The following ZEB1 variants were observed in gnomAD, a reference collection of about 807,000 sequenced individuals.
ZEB1 encodes the protein zinc finger E-box binding homeobox 1, also known as zinc finger E-box-binding homeobox 1.
In ZEB1, 21 loss-of-function variants were observed where a neutral mutation model predicts 84.9. The ratio of observed to expected loss-of-function variants is 0.25; its 90% CI spans 0.18 to 0.36. ZEB1 has a LOEUF of 0.36. Ranked by LOEUF, ZEB1 falls within the 10% of genes least tolerant of loss-of-function variation. The probability of loss-of-function intolerance (pLI) is 1.00; values close to 1 mark genes in which losing one functional copy is unlikely to be tolerated. For missense variants in ZEB1, 1,104 were observed against 1,330.2 expected (o/e 0.83, Z 2.65); for synonymous variants, 420 against 471.1 (o/e 0.89, Z 1.41).
At chr10:31,389,911 G>A (rs1214755749) in intron 1 of ZEB1, among the ~76,000 whole-genome samples, 1 of 152,028 alleles carries the variant, frequency 6.6e-6, no homozygotes, top group African/African-American at 2.4e-5. Flanking sequence ...CAGTTCAAGT[G>A]CTCAATAGCC....
chr10:31,523,892 T>C, intron 7 of ZEB1, 41 bp from the exon 8 acceptor site: 1 of 1,599,276 alleles, frequency 6.3e-7, no homozygotes, highest in South Asian at 1.1e-5. Context: ...TGTTTATCTT[T>C]TAATGTTAAA....
In ZEB1 at chr10:31,521,751, A is replaced by G. The variant is rs141194628; in HGVS notation, c.2419A>G (p.Thr807Ala). The change falls in exon 7 of 9, where the codon ACA (threonine) becomes GCA (alanine). Residue 807 changes from threonine (T) to alanine (A), a missense_variant. By Grantham distance (58) the Thr-to-Ala change is moderately conservative. Transcript: ENST00000424869. The stretch of plus-strand genomic sequence containing the variant: ...CAACCCCATAAATATCGCTATACCT[A>G]CAGTCACTGCCCAGTTACCCACAAT... ...SANPINIAIP[T>A]VTAQLPTIVA... is the part of the protein sequence containing the mutation. 3,311 of 1,614,100 alleles carry G rather than the reference A, an allele frequency of 2.1e-3. 7 individuals are homozygous for G. Among genetic ancestry groups the G allele is most frequent in the Middle Eastern group, 4.1e-3 (25 of 6,060 alleles).
chr10:31,364,628 C>T (rs1402027219), intron 1 of ZEB1, among the ~76,000 whole-genome samples: 1 of 152,206 alleles, frequency 6.6e-6, no homozygotes, highest in Non-Finnish European at 1.5e-5. Context: ...GACGCAGTGC[C>T]CTGACCTGAC....
At chr10:31,375,120 G>A (rs2046400093) in intron 1 of ZEB1, among the ~76,000 whole-genome samples, 1 of 145,538 alleles carries the variant, frequency 6.9e-6, no homozygotes, top group Non-Finnish European at 1.5e-5. Context: ...TTACGTTTTG[G>A]AAAATAAAAT....
intron 1 of ZEB1, among the ~76,000 whole-genome samples, chr10:31,383,615 T>C (rs1168619538): frequency 6.6e-6 from 1 of 152,196 alleles, no homozygotes; most frequent in African/African-American, 2.4e-5. Flanking sequence ...TACTGTTCAG[T>C]ATGGTAGCCA....
At chr10:31,406,919 A>G (rs539199017) in intron 1 of ZEB1, among the ~76,000 whole-genome samples, 73 of 152,194 alleles carry the variant, frequency 4.8e-4, no homozygotes, top group African/African-American at 1.8e-3. Context: ...ATGGCTAGCC[A>G]GTTTTCCCAA....
At chr10:31,382,070 C>A (rs1476041072) in intron 1 of ZEB1, among the ~76,000 whole-genome samples, 1 of 150,748 alleles carries the variant, frequency 6.6e-6, no homozygotes, top group South Asian at 2.1e-4. Flanking sequence ...ACTTCATGGC[C>A]GGTGAGAGTC....
At chr10:31,412,662 A>C (rs1590998042) in intron 1 of ZEB1, among the ~76,000 whole-genome samples, 2 of 152,128 alleles carry the variant, frequency 1.3e-5, no homozygotes, top group African/African-American at 4.8e-5. Context: ...CCTATCATTG[A>C]TGGGATAAAG....
intron 1 of ZEB1, among the ~76,000 whole-genome samples, chr10:31,378,243 C>T (rs560256221): frequency 6.6e-5 from 10 of 151,468 alleles, no homozygotes; most frequent in Admixed American, 2.6e-4. Context: ...TTATTAGTGT[C>T]GTGGAGGTCT....
intron 2 of ZEB1, among the ~76,000 whole-genome samples, chr10:31,474,664 G>A (rs2063799671): frequency 2.0e-5 from 3 of 152,116 alleles, no homozygotes. Context: ...GATTCCTCAG[G>A]GATCTAGAAC....
Position 31,526,824 on chromosome 10 carries a change from A to T in ZEB1, c.2938A>T (p.Met980Leu). Residue 980 changes from methionine (M) to leucine (L), a missense_variant, in exon 9 of 9, where the codon ATG becomes TTG. By Grantham distance (15) the Met-to-Leu change is conservative. This residue lies in a region of ZEB1 where 53 missense variants were observed against 92.5 expected (regional missense o/e 0.57). Coordinates refer to ENST00000424869, the MANE Select transcript of ZEB1 (RefSeq NM_001174096.2). ...FSHSGSYSQHMNHRYSYCKRE... is the reference protein window; with the variant it reads ...FSHSGSYSQHLNHRYSYCKRE... ...ACACTCTGGGTCTTATTCTCAACAC[A>T]TGAATCATCGCTACTCCTACTGTAA... The T allele has an allele frequency of 2.5e-6, 4 of 1,614,184 alleles. No individual in the cohort carries two copies. The highest frequency in any genetic ancestry group is 3.4e-6 in the Non-Finnish European group (4 of 1,180,026).
At chr10:31,471,527 T>G (rs1184254499) in intron 2 of ZEB1, among the ~76,000 whole-genome samples, 5 of 148,180 alleles carry the variant, frequency 3.4e-5, no homozygotes, top group African/African-American at 1.2e-4. Context: ...TAAATATATA[T>G]GCACCCAATA....
chr10:31,446,908 T>G (rs1489214136), intron 1 of ZEB1, among the ~76,000 whole-genome samples: 1 of 152,000 alleles, frequency 6.6e-6, no homozygotes, highest in Non-Finnish European at 1.5e-5. Flanking sequence ...GGGTGGAGAG[T>G]TCTGTAGATG....
chr10:31,476,010 C>T (rs950087595), intron 2 of ZEB1, among the ~76,000 whole-genome samples: 3 of 151,878 alleles, frequency 2.0e-5, no homozygotes, highest in Non-Finnish European at 4.4e-5. Flanking sequence ...ATAAAAGAAG[C>T]AGGACTTAAC....
chr10:31,401,767 A>G (rs1168633961), intron 1 of ZEB1, among the ~76,000 whole-genome samples: 3 of 152,160 alleles, frequency 2.0e-5, no homozygotes, highest in Non-Finnish European at 2.9e-5. Flanking sequence ...TTAAGCTTTT[A>G]TATGGTAATT....
At chr10:31,488,183 A>G (rs148090507) in intron 2 of ZEB1, among the ~76,000 whole-genome samples, 1 of 151,218 alleles carries the variant, frequency 6.6e-6, no homozygotes, top group Non-Finnish European at 1.5e-5. Flanking sequence ...TAAAATTTGC[A>G]AGTGAAAGTT....
At chr10:31,324,881 T>G (rs1007217233) in intron 1 of ZEB1, among the ~76,000 whole-genome samples, 3 of 152,058 alleles carry the variant, frequency 2.0e-5, no homozygotes, top group African/African-American at 7.2e-5. Flanking sequence ...TAGAAATATA[T>G]GTAGTAGAGA....
At chr10:31,383,295 G>A (rs1403837664) in intron 1 of ZEB1, among the ~76,000 whole-genome samples, 1 of 151,918 alleles carries the variant, frequency 6.6e-6, no homozygotes, top group Non-Finnish European at 1.5e-5. Context: ...ATGTGGCTAG[G>A]GCAACTGAGA....
intron 1 of ZEB1, among the ~76,000 whole-genome samples, chr10:31,339,255 T>C (rs374666215): frequency 5.3e-5 from 8 of 152,196 alleles, no homozygotes; most frequent in African/African-American, 1.9e-4. Flanking sequence ...TTAAATAGCT[T>C]AACTTTCAGT....
Sources: gnomAD v4.1 joint callset for allele counts (sites outside exome capture counted in the v4.1 genomes callset) on GRCh38, gnomAD v4.1.1 for gene constraint, gnomAD v4.1.1 regional missense constraint, MANE v1.5 for transcripts, NCBI Gene and HGNC (gene_info 2026-07-23, HGNC 2026-07-21) for gene names.